The following WDR45 variants were observed in gnomAD, a reference collection of about 807,000 sequenced individuals.
WDR45 encodes the protein WD repeat domain 45, also known as WD repeat domain phosphoinositide-interacting protein 4.
WDR45 carries 2 observed loss-of-function variants against 27.3 expected under a neutral mutation model. The ratio of observed to expected loss-of-function variants is 0.07; its 90% CI spans 0.03 to 0.23. WDR45 has a LOEUF of 0.23. Among genes scored for constraint, WDR45 ranks in the 10% least tolerant of loss-of-function variants. The pLI is 1.00. For missense variants in WDR45, 175 were observed against 311.9 expected (o/e 0.56, Z 3.31); for synonymous variants, 99 against 119.2 (o/e 0.83, Z 1.11).
At chrX:49,076,259 G>T in intron 6 of WDR45, 171 bp downstream of exon 6, 1 of 580,226 alleles carries the variant, frequency 1.7e-6, no homozygotes, top group Non-Finnish European at 2.7e-6. Context: ...CCGGAGGTGG[G>T]GAGAACTGGC....
Position 49,077,631 on chromosome X carries a change from G to A in WDR45, c.235+12C>T. 1 of 1,184,579 alleles carries A rather than the reference G, an allele frequency of 8.4e-7. No homozygotes were observed. Among genetic ancestry groups the A allele is most frequent in the South Asian group, 1.9e-5 (1 of 53,902 alleles). On this transcript the variant is annotated intron_variant, in intron 4 of 10. Transcript: ENST00000376372. ...AGAAATCTGGGCCAAAGGGCAGGAT[G>A]AGGGCACTTACCTGAGATCTCTGAG...
At chrX:49,089,319 T>C (rs2065096614) in intron 2 of WDR45, among the ~76,000 whole-genome samples, 1 of 108,939 alleles carries the variant, frequency 9.2e-6, no homozygotes, top group African/African-American at 3.3e-5. Flanking sequence ...GCATAGCCCA[T>C]ACACAGGAAA....
intron 2 of WDR45, among the ~76,000 whole-genome samples, chrX:49,086,712 G>A (rs1167515331): frequency 5.4e-5 from 6 of 111,074 alleles, no homozygotes; most frequent in African/African-American, 2.0e-4. Context: ...TTCCGCTTCA[G>A]CCTCCTGAGT....
chrX:49,079,630 G>A (rs782342074), intron 1 of WDR45, 121 bp downstream of exon 1: 91 of 112,155 alleles, frequency 8.1e-4, no homozygotes, highest in Non-Finnish European at 1.5e-3. Flanking sequence ...GACTCTGTCC[G>A]GGATGCCTCG....
chrX:49,083,304 G>A (rs1240126479), upstream of WDR45, among the ~76,000 whole-genome samples: 6 of 99,836 alleles, frequency 6.0e-5, no homozygotes, highest in East Asian at 3.1e-4. Flanking sequence ...GAGCTACCAC[G>A]CCCGGCCTCT....
At chrX:49,096,667 C>A (rs1450244528) in intron 2 of WDR45, among the ~76,000 whole-genome samples, 1 of 112,677 alleles carries the variant, frequency 8.9e-6, no homozygotes, top group Admixed American at 9.5e-5. Context: ...CAGCTTCAAT[C>A]TTTTGGACTC....
chrX:49,076,581 G>A, intron 5 of WDR45, 57 bp from the exon 6 acceptor site: 1 of 1,197,876 alleles, frequency 8.3e-7, no homozygotes, highest in Non-Finnish European at 1.1e-6. Flanking sequence ...TGCCCAGGGA[G>A]GACTATCCCT....
intron 2 of WDR45, among the ~76,000 whole-genome samples, chrX:49,088,887 A>G (rs988602042): frequency 8.9e-6 from 1 of 112,204 alleles, no homozygotes; most frequent in African/African-American, 3.2e-5. Flanking sequence ...ACTAAACAGC[A>G]GTGATAATAA....
At position 49,077,677 on chromosome X, in the gene WDR45, G is replaced by T; in HGVS notation, c.201C>A (p.Gly67=). The T allele has an allele frequency of 8.3e-7, 1 of 1,200,805 alleles. No individual in the cohort carries two copies. The highest frequency in any genetic ancestry group is 1.1e-6 in the Non-Finnish European group (1 of 890,054). ...CTGAGAACTTGGGACTACTACCACCGCCCACCAAGGCCAGAAGGTTGGAGC... is the reference window on the plus strand; with the variant it reads ...CTGAGAACTTGGGACTACTACCACCTCCCACCAAGGCCAGAAGGTTGGAGC... The part of the protein sequence containing the change: ...LHRSNLLALV[G]GGSSPKFSEI... The change falls in exon 4 of 11, where the codon GGC becomes GGA. Residue 67 remains glycine, a synonymous_variant. Transcript: ENST00000376372.
intron 4 of WDR45, 50 bp downstream of exon 4, chrX:49,077,593 G>A: frequency 9.0e-7 from 1 of 1,109,667 alleles, no homozygotes; most frequent in South Asian, 1.9e-5. Flanking sequence ...GCCTGTGGGA[G>A]GCCAGGAATC....
chrX:49,075,082 C>A (rs1480963521), intron 10 of WDR45, 54 bp downstream of exon 10: 18 of 1,196,674 alleles, frequency 1.5e-5, no homozygotes, highest in Admixed American at 4.4e-5. Context: ...CAGGTCCAAC[C>A]TGCAGGCCTT....
At chrX:49,084,170 C>G (rs1238963084), upstream of WDR45, among the ~76,000 whole-genome samples, 3 of 102,264 alleles carry the variant, frequency 2.9e-5, no homozygotes, top group African/African-American at 1.1e-4. Flanking sequence ...CTGCCTCAGC[C>G]TCTCAAGTAG....
intron 4 of WDR45, chrX:49,077,346 C>A: frequency 2.7e-6 from 1 of 365,449 alleles, no homozygotes; most frequent in Non-Finnish European, 4.9e-6. Flanking sequence ...CTTCCTACCC[C>A]ATAGAGTTAC....
upstream of WDR45, chrX:49,080,385 C>G (rs909509973): frequency 1.3e-4 from 14 of 111,788 alleles, no homozygotes; most frequent in African/African-American, 4.2e-4. Context: ...ATTTCGCTTT[C>G]TTTCTCCCCA....
chrX:49,098,812 C>G (rs2065135235), intron 2 of WDR45, among the ~76,000 whole-genome samples: 1 of 110,799 alleles, frequency 9.0e-6, no homozygotes, highest in Admixed American at 9.7e-5. Flanking sequence ...GTCTCTACCC[C>G]CCCACCAAAA....
Position 49,077,824 on chromosome X carries a change from G to A in WDR45, c.130+13C>T, listed in dbSNP as rs782457722. 648 of 1,209,682 alleles carry A rather than the reference G, an allele frequency of 5.4e-4. 6 individuals are homozygous for A. In the South Asian group the frequency reaches 9.7e-3, roughly 18 times the overall value. On this transcript the variant is annotated intron_variant, in intron 3 of 10. Transcript: ENST00000376372. ...CTCTTCTGCCCATTGCCCCTCCCCT[G>A]CCAACAGCTCACCCAGATGCCCCTT...
chrX:49,094,367 G>A (rs782309303), intron 2 of WDR45, among the ~76,000 whole-genome samples: 1 of 111,007 alleles, frequency 9.0e-6, no homozygotes, highest in East Asian at 2.8e-4. Context: ...TATTTAGGAG[G>A]CTGAGACATG....
intron 6 of WDR45, 107 bp from the exon 7 acceptor site, chrX:49,076,052 A>G: frequency 4.5e-6 from 3 of 660,875 alleles, no homozygotes; most frequent in Non-Finnish European, 7.1e-6. Context: ...CGATAAGCTT[A>G]ACCCGAAGAA....
Position 49,077,724 on chromosome X carries a change from C to G in WDR45, c.154G>C (p.Gly52Arg). Residue 52 changes from glycine to arginine, a missense_variant, in exon 4 of 11, where the codon GGC becomes CGC. Physicochemically the swap from Gly to Arg is moderately radical, Grantham distance 125 (BLOSUM62 -2). Around this residue, in one of 3 missense-constraint regions of WDR45, gnomAD observed 102 missense variants for 165.4 expected, o/e 0.62. Coordinates refer to ENST00000376372, the MANE Select transcript of WDR45 (RefSeq NM_001029896.2). ...HLDHEQVGSM[G>R]LVEMLHRSNL... ...GAGCGGTGCAGCATCTCCACCAAGC[C>G]CATGCTGCCCACCTGCTCGTGGTCT... The G allele has an allele frequency of 8.3e-7, 1 of 1,199,897 alleles. No homozygotes were observed. The highest frequency in any genetic ancestry group is 1.1e-6 in the Non-Finnish European group (1 of 889,302).
Sources: allele counts gnomAD v4.1 joint callset (sites outside exome capture counted in the v4.1 genomes callset), GRCh38; gene constraint gnomAD v4.1.1; regional missense constraint gnomAD v4.1.1; transcripts MANE v1.5; gene names NCBI Gene and HGNC (gene_info 2026-07-23, HGNC 2026-07-21).